The following PCDHGA5 variants were observed in gnomAD, a reference collection of about 807,000 sequenced individuals.
PCDHGA5 encodes protocadherin gamma-A5.
In PCDHGA5, 36 loss-of-function variants were observed where a neutral mutation model predicts 56.7. The ratio of observed to expected loss-of-function variants is 0.64; its 90% CI spans 0.49 to 0.84. PCDHGA5 has a LOEUF of 0.84. Ranked by LOEUF, PCDHGA5 falls within the 40% of genes least tolerant of loss-of-function variation. The pLI is 0.00. For synonymous variants in PCDHGA5, 563 were observed against 520.2 expected, an observed-to-expected ratio of 1.08 and a Z score of -1.12; for missense variants, 1,305 against 1,201.5, an observed-to-expected ratio of 1.09 and a Z score of -1.27.
chr5:141,450,581 G>A (rs2098686464), intron 1 of PCDHGA5, among the ~76,000 whole-genome samples: 1 of 151,878 alleles, frequency 6.6e-6, no homozygotes, highest in Non-Finnish European at 1.5e-5. Context: ...CTGCCTCCCA[G>A]GTTCAAGCAA....
intron 1 of PCDHGA5, chr5:141,408,546 A>G (rs777449394): frequency 6.2e-7 from 1 of 1,613,898 alleles, no homozygotes; most frequent in Non-Finnish European, 8.5e-7. Context: ...AATCCTTTAA[A>G]TATTTTTCAT....
chr5:141,466,969 C>T (rs2099133068), intron 1 of PCDHGA5, among the ~76,000 whole-genome samples: 1 of 152,068 alleles, frequency 6.6e-6, no homozygotes, highest in African/African-American at 2.4e-5. Flanking sequence ...TATTTTCTCA[C>T]AGCTCATCAT....
intron 1 of PCDHGA5, chr5:141,417,729 G>T (rs1175282861): frequency 1.6e-5 from 22 of 1,376,276 alleles, no homozygotes; most frequent in African/African-American, 8.8e-5. Context: ...CGCAGACCTT[G>T]CCCAGCACAC....
At chr5:141,468,837 G>T in intron 1 of PCDHGA5, among the ~76,000 whole-genome samples, 1 of 152,108 alleles carries the variant, frequency 6.6e-6, no homozygotes, top group South Asian at 2.1e-4. Flanking sequence ...CTGCACTCCA[G>T]CCTGGGCAAC....
intron 1 of PCDHGA5, chr5:141,414,677 A>AG: frequency 1.9e-6 from 3 of 1,613,794 alleles, no homozygotes; most frequent in South Asian, 2.2e-5. Flanking sequence ...GACACCATCC[A>AG]GGGGGTACCT....
Position 141,490,066 on chromosome 5 carries a change from C to G in PCDHGA5, c.2422-4741C>G. ...TGATCCAGACGAGGGCACCAACGGC[C>G]AACTAGACTATTCTTTTGGAGACCA... On this transcript the variant is annotated intron_variant, in intron 1 of 3. Coordinates refer to ENST00000518069, the MANE Select transcript of PCDHGA5 (RefSeq NM_018918.3). The surrounding 1 kb of genome is among the most constrained non-coding windows in gnomAD (Gnocchi z 5.4). The G allele has an allele frequency of 1.2e-6, 2 of 1,614,248 alleles. No individual in the cohort carries two copies. Among genetic ancestry groups the G allele is most frequent in the Non-Finnish European group, 1.7e-6 (2 of 1,180,034 alleles).
In PCDHGA5 at chr5:141,489,750, C is replaced by A. The variant is rs753217170; in HGVS notation, c.2422-5057C>A. 1 of 1,614,098 alleles carries A rather than the reference C, an allele frequency of 6.2e-7. No individual in the cohort carries two copies. The highest frequency in any genetic ancestry group is 1.1e-5 in the South Asian group (1 of 91,080). Reference sequence around the variant, plus strand: ...TGGGCACCAATACTGTGAGCTTTTACACTCTAAGCCCCAACAGCCACTTCT... The same window carrying A: ...TGGGCACCAATACTGTGAGCTTTTAAACTCTAAGCCCCAACAGCCACTTCT... On this transcript the variant is annotated intron_variant, in intron 1 of 3. Coordinates refer to ENST00000518069, the MANE Select transcript of PCDHGA5 (RefSeq NM_018918.3). This position sits in a 1 kb window ranked among gnomAD's most constrained non-coding sequence, Gnocchi z 4.5.
chr5:141,495,853 C>T (rs1254274145), intron 2 of PCDHGA5, among the ~76,000 whole-genome samples: 1 of 152,136 alleles, frequency 6.6e-6, no homozygotes, highest in African/African-American at 2.4e-5. Context: ...TTCTCTGTCT[C>T]TCACTATTTC....
chr5:141,490,412 C>T lies in PCDHGA5; in HGVS notation c.2422-4395C>T, dbSNP rs2233605. 10 of 1,614,062 alleles carry T rather than the reference C, an allele frequency of 6.2e-6. No homozygotes were observed. The highest frequency in any genetic ancestry group is 4.0e-5 in the African/African-American group (3 of 74,910). Reference sequence around the variant, plus strand: ...GGTGAAGTGAGCCTTGATATCTCTCCGGACCTGCCATTTCAGATTAAGCCT... The same window carrying T: ...GGTGAAGTGAGCCTTGATATCTCTCTGGACCTGCCATTTCAGATTAAGCCT... On this transcript the variant is annotated intron_variant, in intron 1 of 3. Transcript: ENST00000518069. This position sits in a 1 kb window ranked among gnomAD's most constrained non-coding sequence, Gnocchi z 5.4.
intron 1 of PCDHGA5, among the ~76,000 whole-genome samples, chr5:141,460,958 T>C (rs182414946): frequency 8.2e-6 from 1 of 121,926 alleles, no homozygotes; most frequent in Non-Finnish European, 1.6e-5. Context: ...TATGTATATA[T>C]ATATGTGTGT....
chr5:141,510,323 C>A (rs1173679711), intron 3 of PCDHGA5, among the ~76,000 whole-genome samples: 1 of 151,234 alleles, frequency 6.6e-6, no homozygotes, highest in East Asian at 2.0e-4. Flanking sequence ...TGGAAGAGCA[C>A]TCTTCACCCC....
At chr5:141,458,787 C>A (rs968490647) in intron 1 of PCDHGA5, among the ~76,000 whole-genome samples, 1 of 152,004 alleles carries the variant, frequency 6.6e-6, no homozygotes, top group African/African-American at 2.4e-5. Flanking sequence ...GGCTGGAGTG[C>A]AGTGGTGTGA....
intron 1 of PCDHGA5, among the ~76,000 whole-genome samples, chr5:141,436,521 C>T (rs2097829891): frequency 6.6e-6 from 1 of 152,086 alleles, no homozygotes; most frequent in African/African-American, 2.4e-5. Flanking sequence ...AACTGTGTCA[C>T]CTTTAGCAAG....
rs1253890351 is a variant in PCDHGA5, at chr5:141,372,427, G to T, written c.2421+5676G>T. The T allele has an allele frequency of 3.1e-6, 5 of 1,613,872 alleles. No homozygotes were observed. Among genetic ancestry groups the T allele is most frequent in the East Asian group, 2.2e-5 (1 of 44,888 alleles). On this transcript the variant is annotated intron_variant, in intron 1 of 3. Coordinates refer to ENST00000518069, the MANE Select transcript of PCDHGA5 (RefSeq NM_018918.3). ...GAGATACAACCTGACCTTAGCGACC[G>T]CCCCACTCCCTCTGACCCTCAGGCG...
intron 1 of PCDHGA5, chr5:141,375,467 C>A: frequency 6.2e-7 from 1 of 1,614,008 alleles, no homozygotes; most frequent in Non-Finnish European, 8.5e-7. Flanking sequence ...AGTCTATGTC[C>A]TTGAAAACAA....
At chr5:141,390,324 A>G in intron 1 of PCDHGA5, 2 of 1,605,484 alleles carry the variant, frequency 1.2e-6, no homozygotes, top group East Asian at 4.5e-5. Flanking sequence ...TTGCCTACCC[A>G]TTTCTCCATA....
intron 1 of PCDHGA5, chr5:141,390,339 C>T: frequency 6.3e-7 from 1 of 1,591,234 alleles, no homozygotes; most frequent in Non-Finnish European, 8.6e-7. Flanking sequence ...TCCATATTCA[C>T]AAGAAAATAT....
In PCDHGA5 at chr5:141,384,530, G is replaced by T. The variant is rs772652132; in HGVS notation, c.2421+17779G>T. The T allele has an allele frequency of 1.7e-5, 28 of 1,614,238 alleles. No individual in the cohort carries two copies. In the South Asian group the frequency reaches 2.6e-4, roughly 15 times the overall value. On this transcript the variant is annotated intron_variant, in intron 1 of 3. Coordinates refer to ENST00000518069, the MANE Select transcript of PCDHGA5 (RefSeq NM_018918.3). ...GACAGCGGGGACCCGCCTCTCAGCA[G>T]CAACATGTCACTGAGCCTGTTCGTG...
intron 1 of PCDHGA5, among the ~76,000 whole-genome samples, chr5:141,466,534 T>C (rs1343781541): frequency 6.6e-6 from 1 of 152,214 alleles, no homozygotes; most frequent in Non-Finnish European, 1.5e-5. Flanking sequence ...CAAATTGATG[T>C]AGATGGTCTT....
Sources: allele counts gnomAD v4.1 joint callset (sites outside exome capture counted in the v4.1 genomes callset), GRCh38; gene constraint gnomAD v4.1.1; non-coding constraint Gnocchi (gnomAD v3.1); transcripts MANE v1.5; gene names NCBI Gene and HGNC (gene_info 2026-07-23, HGNC 2026-07-21).